The following SIPA1L1 variants were observed in gnomAD, a reference collection of about 807,000 sequenced individuals.
SIPA1L1 encodes signal induced proliferation associated 1 like 1.
SIPA1L1 carries 26 observed loss-of-function variants against 162.7 expected under a neutral mutation model. The ratio of observed to expected loss-of-function variants is 0.16; its 90% CI spans 0.12 to 0.22. The LOEUF is 0.22. Ranked by LOEUF, SIPA1L1 falls within the 10% of genes least tolerant of loss-of-function variation. The probability of loss-of-function intolerance (pLI) is 1.00; values close to 1 mark genes in which losing one functional copy is unlikely to be tolerated. For missense variants in SIPA1L1, 1,874 were observed against 2,241.0 expected (o/e 0.84, Z 3.31); for synonymous variants, 829 against 837.4 (o/e 0.99, Z 0.17).
chr14:71,557,561 G>A (rs2056452647), intron 4 of SIPA1L1, among the ~76,000 whole-genome samples: 1 of 152,182 alleles, frequency 6.6e-6, no homozygotes, highest in South Asian at 2.1e-4. Context: ...AGATGTGAGT[G>A]CCTGTTTAAT....
chr14:71,355,674 T>C (rs182519749), intron 2 of SIPA1L1, among the ~76,000 whole-genome samples: 1 of 152,370 alleles, frequency 6.6e-6, no homozygotes, highest in Admixed American at 6.5e-5. Flanking sequence ...AAAAACCATT[T>C]TCTTCTCCTT....
At chr14:71,404,380 CTAAAAA>C (rs1400792911) in intron 2 of SIPA1L1, among the ~76,000 whole-genome samples, 2 of 152,078 alleles carry the variant, frequency 1.3e-5, no homozygotes, top group Non-Finnish European at 2.9e-5. Context: ...CCTGTCTCTA[CTAAAAA>C]TACAAAAATT....
intron 5 of SIPA1L1, among the ~76,000 whole-genome samples, chr14:71,616,045 G>C (rs2038801105): frequency 6.6e-6 from 1 of 152,144 alleles, no homozygotes; most frequent in African/African-American, 2.4e-5. Flanking sequence ...CTCAGGCTTA[G>C]AGATGTCTGG....
intron 2 of SIPA1L1, among the ~76,000 whole-genome samples, chr14:71,472,445 G>C (rs1236902412): frequency 6.6e-6 from 1 of 151,838 alleles, no homozygotes; most frequent in East Asian, 1.9e-4. Flanking sequence ...AGATTGGGGG[G>C]AAATAATTAA....
chr14:71,336,149 G>A (rs986268424), intron 2 of SIPA1L1, among the ~76,000 whole-genome samples: 5 of 152,084 alleles, frequency 3.3e-5, no homozygotes, highest in African/African-American at 7.2e-5. Flanking sequence ...GATGCTGAGC[G>A]TCTGAGGTTG....
intron 2 of SIPA1L1, among the ~76,000 whole-genome samples, chr14:71,410,934 T>C (rs1220984186): frequency 6.6e-6 from 1 of 152,192 alleles, no homozygotes; most frequent in Non-Finnish European, 1.5e-5. Flanking sequence ...TGTCTTTCTT[T>C]GAGGCGACTT....
rs35037397 is a variant in SIPA1L1 at position 71,599,147 on chromosome 14, C to CTTTT, written c.1498+9794_1498+9797dup. 0.012 allele frequency among the ~76,000 whole-genome samples: 1,271 copies of CTTTT among 106,034 alleles called. 88 individuals carry two copies. In the East Asian group the frequency reaches 0.18, roughly 15 times the overall value. The allele number at this position is 106,034 out of a possible 152,430, so 69.6% of individuals were successfully genotyped here. A position where few individuals can be genotyped will look rare whatever the true frequency, so the allele number is the denominator to read the frequency against. The stretch of plus-strand genomic sequence containing the variant: ...TTGCTGCAAATGACATGATTTCATT[C>CTTTT]TTTTTTTTTTTTTTTTTTTTGAGAT... On this transcript the variant is annotated intron_variant, in intron 5 of 23. Transcript: ENST00000381232.
In SIPA1L1 at chr14:71,539,326, A is replaced by G. The variant is rs77196440; in HGVS notation, c.-303+9956A>G. Among the ~76,000 whole-genome samples, 128 of 152,320 alleles carry G rather than the reference A, an allele frequency of 8.4e-4. 2 individuals are homozygous for G. In the East Asian group the frequency reaches 0.024, roughly 29 times the overall value. On this transcript the variant is annotated intron_variant, in intron 4 of 23. Transcript: ENST00000381232. The stretch of plus-strand genomic sequence containing the variant: ...GTGTGGCCTAGTGTAAATATTCTCT[A>G]TTCACTACATGATCTCCATTGGTGA...
chr14:71,697,431 C>A (rs2081729105), intron 13 of SIPA1L1, among the ~76,000 whole-genome samples: 1 of 152,126 alleles, frequency 6.6e-6, no homozygotes, highest in African/African-American at 2.4e-5. Context: ...TTTAGCTTGA[C>A]TAGACACATG....
intron 19 of SIPA1L1, among the ~76,000 whole-genome samples, chr14:71,727,810 A>ATT (rs1281122625): frequency 6.6e-6 from 1 of 152,034 alleles, no homozygotes. Flanking sequence ...ACTGGAGTTA[A>ATT]AGAGGATGGG....
intron 12 of SIPA1L1, among the ~76,000 whole-genome samples, chr14:71,675,844 C>T (rs970999632): frequency 2.0e-5 from 3 of 152,164 alleles, no homozygotes; most frequent in Admixed American, 6.5e-5. Context: ...GAGGTGATGA[C>T]TGTATGTAAT....
At chr14:71,545,292 T>C (rs891076360) in intron 4 of SIPA1L1, among the ~76,000 whole-genome samples, 1 of 152,264 alleles carries the variant, frequency 6.6e-6, no homozygotes, top group African/African-American at 2.4e-5. Context: ...GATACTGTTT[T>C]TCAGTCTGTG....
At chr14:71,706,252 G>A (rs2082431783) in intron 16 of SIPA1L1, among the ~76,000 whole-genome samples, 1 of 152,062 alleles carries the variant, frequency 6.6e-6, no homozygotes, top group South Asian at 2.1e-4. Flanking sequence ...GGCAAGTTGT[G>A]ACAATGTGAT....
chr14:71,589,902 C>G (rs1218997099), intron 5 of SIPA1L1, among the ~76,000 whole-genome samples: 1 of 150,548 alleles, frequency 6.6e-6, no homozygotes, highest in Non-Finnish European at 1.5e-5. Flanking sequence ...AGTCACAGAG[C>G]CAATAAGTCT....
chr14:71,335,098 A>G (rs1274904551), intron 2 of SIPA1L1, among the ~76,000 whole-genome samples: 1 of 152,188 alleles, frequency 6.6e-6, no homozygotes, highest in Middle Eastern at 3.2e-3. Context: ...CAGGAGATCA[A>G]GACCATCCTG....
intron 4 of SIPA1L1, among the ~76,000 whole-genome samples, chr14:71,570,957 A>G (rs542698157): frequency 4.1e-4 from 62 of 151,954 alleles, no homozygotes; most frequent in African/African-American, 1.5e-3. Flanking sequence ...CACCACACCC[A>G]GCCAATTTTT....
At chr14:71,577,508 C>T (rs1450521806) in intron 4 of SIPA1L1, among the ~76,000 whole-genome samples, 1 of 151,922 alleles carries the variant, frequency 6.6e-6, no homozygotes, top group East Asian at 1.9e-4. Context: ...TCCCAAGTAG[C>T]TGGGATTACA....
chr14:71,426,487 T>TC (rs1435548262), intron 2 of SIPA1L1, among the ~76,000 whole-genome samples: 1 of 49,106 alleles, frequency 2.0e-5, no homozygotes, highest in African/African-American at 5.7e-5. Context: ...AATTTCTTTC[T>TC]TTTTTTTTTT....
chr14:71,515,585 G>A (rs1397914834), intron 3 of SIPA1L1, among the ~76,000 whole-genome samples: 2 of 152,054 alleles, frequency 1.3e-5, no homozygotes, highest in Non-Finnish European at 2.9e-5. Context: ...TAAAGATTTC[G>A]TACATACTGT....
Sources: allele counts gnomAD v4.1 joint callset (sites outside exome capture counted in the v4.1 genomes callset), GRCh38; gene constraint gnomAD v4.1.1; transcripts MANE v1.5; gene names NCBI Gene and HGNC (gene_info 2026-07-23, HGNC 2026-07-21).